The following ATP1A4 variants were observed in gnomAD, a reference collection of about 807,000 sequenced individuals.
The protein encoded by ATP1A4 is sodium/potassium-transporting ATPase subunit alpha-4.
ATP1A4 carries 90 observed loss-of-function variants against 114.3 expected under a neutral mutation model. The ratio of observed to expected loss-of-function variants is 0.79; its 90% confidence interval spans 0.66 to 0.94. The LOEUF (loss-of-function observed/expected upper bound fraction) is 0.94, where lower values mean the gene tolerates loss of function less well. ATP1A4 is among the 40% of genes least tolerant of loss of function. The probability of loss-of-function intolerance (pLI) is 0.00; values close to 1 mark genes in which losing one functional copy is unlikely to be tolerated. For synonymous variants in ATP1A4, 511 were observed against 494.1 expected (o/e 1.03, Z -0.45); for missense variants, 1,222 against 1,313.6 (o/e 0.93, Z 1.08).
intron 2 of ATP1A4, among the ~76,000 whole-genome samples, chr1:160,154,359 C>G (rs1652560833): frequency 6.6e-6 from 1 of 150,758 alleles, no homozygotes; most frequent in Admixed American, 6.6e-5. Context: ...GGTGACAGAG[C>G]AAGACTCTGT....
intron 20 of ATP1A4, among the ~76,000 whole-genome samples, chr1:160,185,556 C>T (rs1419564885): frequency 6.6e-6 from 1 of 152,130 alleles, no homozygotes; most frequent in East Asian, 1.9e-4. Context: ...GAGGCTGAGG[C>T]GGGTGGACTG....
At chr1:160,153,260 C>G (rs1236413145) in intron 2 of ATP1A4, 36 bp downstream of exon 2, 4 of 1,577,092 alleles carry the variant, frequency 2.5e-6, no homozygotes, top group Non-Finnish European at 2.6e-6. Flanking sequence ...CAGAGAGTCT[C>G]CAACTCTGAC....
At chr1:160,155,964 G>T (rs1210328850) in intron 3 of ATP1A4, 81 bp from the exon 4 acceptor site, 2 of 835,818 alleles carry the variant, frequency 2.4e-6, no homozygotes, top group East Asian at 4.9e-5. Flanking sequence ...TGAAACTGCT[G>T]TGCCCCTTGC....
intron 6 of ATP1A4, among the ~76,000 whole-genome samples, chr1:160,162,308 T>G (rs1195826329): frequency 6.6e-6 from 1 of 152,206 alleles, no homozygotes; most frequent in East Asian, 1.9e-4. Flanking sequence ...AAAAGAATTT[T>G]GTCATGCCCC....
At chr1:160,169,107 C>A (rs1412666761) in intron 10 of ATP1A4, among the ~76,000 whole-genome samples, 1 of 152,248 alleles carries the variant, frequency 6.6e-6, no homozygotes, top group Non-Finnish European at 1.5e-5. Flanking sequence ...CCGAGTGTGA[C>A]AGGCTGTCCC....
intron 4 of ATP1A4, among the ~76,000 whole-genome samples, chr1:160,156,830 A>G (rs1049712593): frequency 6.6e-6 from 1 of 152,138 alleles, no homozygotes; most frequent in Non-Finnish European, 1.5e-5. Context: ...CATGACAACT[A>G]TTCCGAGGGT....
At chr1:160,185,064 C>A (rs1399882659) in intron 20 of ATP1A4, among the ~76,000 whole-genome samples, 1 of 151,696 alleles carries the variant, frequency 6.6e-6, no homozygotes, top group Non-Finnish European at 1.5e-5. Flanking sequence ...GTGAACATTG[C>A]ATATACTTCT....
At chr1:160,178,541 C>T (rs528851004) in intron 18 of ATP1A4, among the ~76,000 whole-genome samples, 9 of 151,310 alleles carry the variant, frequency 5.9e-5, no homozygotes, top group African/African-American at 2.2e-4. Flanking sequence ...TGGGTATGGT[C>T]GTGGGTGCCT....
intron 18 of ATP1A4, among the ~76,000 whole-genome samples, chr1:160,178,677 G>GA (rs57025973): frequency 4.5e-4 from 65 of 144,578 alleles, no homozygotes; most frequent in Middle Eastern, 7.2e-3. Flanking sequence ...CCGTCTCAAA[G>GA]AAAAAAAAAA....
intron 5 of ATP1A4, 81 bp from the exon 6 acceptor site, chr1:160,159,328 G>A (rs1039158124): frequency 5.0e-6 from 7 of 1,389,422 alleles, no homozygotes; most frequent in Non-Finnish European, 7.0e-6. Flanking sequence ...TTGGTGACCA[G>A]ATGAAGACAT....
Position 160,181,685 on chromosome 1 carries a change from C to T in ATP1A4, c.2738C>T (p.Thr913Ile). The stretch of plus-strand genomic sequence containing the variant: ...TTCCTCTCTCCCTGCTGTCTCTAGA[C>T]CTATGAGCAACGAAAAGTTGTGGAG... Reference protein sequence around the residue: ...DLEDSYGQQWTYEQRKVVEFT... With the variant: ...DLEDSYGQQWIYEQRKVVEFT... Residue 913 changes from threonine (T) to isoleucine (I), a missense_variant and splice_region_variant, in exon 19 of 22, where the codon ACC becomes ATC. Coordinates refer to ENST00000368081, the MANE Select transcript of ATP1A4 (RefSeq NM_144699.4). 6.2e-7 allele frequency: 1 copy of T among 1,614,088 alleles called. No homozygotes were observed. The highest frequency in any genetic ancestry group is 8.5e-7 in the Non-Finnish European group (1 of 1,179,998).
chr1:160,151,955 C>A lies in ATP1A4; in HGVS notation c.-86C>A. 1 of 1,491,198 alleles carries A rather than the reference C, an allele frequency of 6.7e-7. No individual in the cohort carries two copies. The highest frequency in any genetic ancestry group is 9.0e-7 in the Non-Finnish European group (1 of 1,114,130). The allele number at this position is 1,491,198 out of a possible 1,614,324, so 92.4% of individuals were successfully genotyped here. A position where few individuals can be genotyped will look rare whatever the true frequency, so the allele number is the denominator to read the frequency against. ...CACTCTCTTCTCGTGGCCCCCTTGC[C>A]CGCGCGCCCTCTTCCCTTCCCCTTG... On this transcript the variant is annotated 5_prime_UTR_variant, in exon 1 of 22. Transcript: ENST00000368081.
In ATP1A4 at chr1:160,176,620, AG is replaced by A; in HGVS notation, c.2590+22del. On this transcript the variant is annotated intron_variant, in intron 17 of 21. Coordinates refer to ENST00000368081, the MANE Select transcript of ATP1A4 (RefSeq NM_144699.4). ...ACAGATTGGTGCGCCCAGAGGAATG[AG>A]GGGTGGAGGGAGCAGGGAGTGGTTT... 6.2e-7 allele frequency: 1 copy of A among 1,608,866 alleles called. No homozygotes were observed.
chr1:160,174,346 G>A (rs2101647208), intron 14 of ATP1A4, 85 bp downstream of exon 14: 1 of 1,576,362 alleles, frequency 6.3e-7, no homozygotes, highest in South Asian at 1.2e-5. Flanking sequence ...GAACATGTGG[G>A]CTGGGCTAGA....
intron 12 of ATP1A4, 122 bp downstream of exon 12, chr1:160,171,879 G>T: frequency 9.8e-7 from 1 of 1,022,202 alleles, no homozygotes; most frequent in Non-Finnish European, 1.4e-6. Flanking sequence ...CTGTTTCCTT[G>T]GGCTTATGAT....
At chr1:160,172,204 C>T (rs58153339) in intron 12 of ATP1A4, among the ~76,000 whole-genome samples, 13,436 of 152,190 alleles carry the variant, frequency 0.088, 679 homozygotes, top group East Asian at 0.19. Context: ...GCATTTTTAA[C>T]GAGCTCCCAG....
chr1:160,158,066 A>T (rs775421617), intron 4 of ATP1A4, among the ~76,000 whole-genome samples: 7 of 152,174 alleles, frequency 4.6e-5, no homozygotes, highest in Middle Eastern at 3.2e-3. Context: ...GTGTTTGGGC[A>T]GTTTTGGAGA....
At chr1:160,166,822 G>GC in intron 8 of ATP1A4, 96 bp downstream of exon 8, 1 of 1,551,804 alleles carries the variant, frequency 6.4e-7, no homozygotes, top group Non-Finnish European at 8.8e-7. Flanking sequence ...ACAGGAGGGA[G>GC]CCTGAAAGTG....
intron 15 of ATP1A4, 149 bp downstream of exon 15, chr1:160,174,896 A>G: frequency 8.2e-7 from 1 of 1,224,496 alleles, no homozygotes; most frequent in Non-Finnish European, 1.1e-6. Flanking sequence ...AAATTTTGCA[A>G]ATTAGATCAG....
Sources: allele counts gnomAD v4.1 joint callset (sites outside exome capture counted in the v4.1 genomes callset), GRCh38; gene constraint gnomAD v4.1.1; transcripts MANE v1.5; gene names NCBI Gene and HGNC (gene_info 2026-07-23, HGNC 2026-07-21).